The following RCBTB1 variants were observed in gnomAD, a reference collection of about 807,000 sequenced individuals.
The protein encoded by RCBTB1 is RCC1 and BTB domain containing protein 1, also known as RCC1 and BTB domain-containing protein 1.
In RCBTB1, 46 loss-of-function variants were observed where a neutral mutation model predicts 62.4. That is an observed-to-expected ratio of 0.74 (90% confidence interval 0.58 to 0.94). The LOEUF (loss-of-function observed/expected upper bound fraction) is 0.94. Ranked by LOEUF, RCBTB1 falls within the 40% of genes least tolerant of loss-of-function variation. The pLI, the probability that RCBTB1 is intolerant of heterozygous loss-of-function variation, is 0.00. For missense variants in RCBTB1, 565 were observed against 654.9 expected, an observed-to-expected ratio of 0.86 and a Z score of 1.50; for synonymous variants, 222 against 245.8, an observed-to-expected ratio of 0.90 and a Z score of 0.91.
chr13:49,549,230 T>C (rs1009997090), intron 9 of RCBTB1, among the ~76,000 whole-genome samples: 3 of 151,666 alleles, frequency 2.0e-5, no homozygotes, highest in African/African-American at 7.3e-5. Flanking sequence ...TTATGCGAAT[T>C]TGATATCAAT....
Position 49,532,446 on chromosome 13 carries a change from T to C in RCBTB1, c.*1676A>G, listed in dbSNP as rs537950147. 1.3e-5 allele frequency: 2 copies of C among 152,712 alleles called. No individual in the cohort carries two copies. The highest frequency in any genetic ancestry group is 4.8e-5 in the African/African-American group (2 of 41,568). 9.5% of individuals were successfully genotyped at this position (152,712 alleles called of 1,614,324 possible). Reference sequence around the variant, plus strand: ...ACATTTTGCTCAGATCATAAGCCTATAGAACAGTGATTGTTACAAACACCA... The same window carrying C: ...ACATTTTGCTCAGATCATAAGCCTACAGAACAGTGATTGTTACAAACACCA... On this transcript the variant is annotated 3_prime_UTR_variant, in exon 13 of 13. Coordinates refer to ENST00000378302, the MANE Select transcript of RCBTB1 (RefSeq NM_018191.4).
intron 5 of RCBTB1, among the ~76,000 whole-genome samples, chr13:49,557,141 C>A (rs962780595): frequency 1.2e-4 from 19 of 152,198 alleles, no homozygotes; most frequent in African/African-American, 3.6e-4. Context: ...TTAATAAAAT[C>A]TCTGTAACAT....
At chr13:49,576,103 C>T (rs1374826671) in intron 2 of RCBTB1, among the ~76,000 whole-genome samples, 3 of 134,494 alleles carry the variant, frequency 2.2e-5, no homozygotes, top group African/African-American at 8.5e-5. Context: ...AGGAGAATGG[C>T]ATGAACCTGG....
chr13:49,542,858 C>A (rs1960495152), intron 10 of RCBTB1, among the ~76,000 whole-genome samples: 1 of 152,190 alleles, frequency 6.6e-6, no homozygotes, highest in Non-Finnish European at 1.5e-5. Context: ...AAGCCACCTG[C>A]ACAAGAAACT....
At chr13:49,565,938 G>A (rs986828377) in intron 4 of RCBTB1, among the ~76,000 whole-genome samples, 4 of 151,214 alleles carry the variant, frequency 2.6e-5, no homozygotes, top group Non-Finnish European at 5.9e-5. Context: ...TTCTGCCTTG[G>A]GATGCTGTTG....
At chr13:49,585,136 G>A (rs1218358895) in intron 1 of RCBTB1, among the ~76,000 whole-genome samples, 2 of 152,178 alleles carry the variant, frequency 1.3e-5, no homozygotes, top group Non-Finnish European at 2.9e-5. Flanking sequence ...CTTCAGCTAC[G>A]AGCAAAATCG....
rs147327509 is a variant in RCBTB1, at chr13:49,549,612, C to T, written c.891G>A (p.Thr297=). The T allele has an allele frequency of 8.2e-5, 132 of 1,613,490 alleles. No homozygotes were observed. The highest frequency in any genetic ancestry group is 6.5e-4 in the South Asian group (59 of 91,012). ...GCCCACCCTGCGTCTTGGCTGCAGA[C>T]GTGTGGGCAGAGTGACAGGCTGCAA... ...VEIAACHSAH[T]SAAKTQGGHV... The change falls in exon 9 of 13, where the codon ACG becomes ACA. Residue 297 remains threonine, a synonymous_variant. Coordinates refer to ENST00000378302, the MANE Select transcript of RCBTB1 (RefSeq NM_018191.4).
intron 12 of RCBTB1, among the ~76,000 whole-genome samples, chr13:49,538,955 TC>T (rs1476412590): frequency 3.3e-5 from 5 of 151,030 alleles, no homozygotes; most frequent in Non-Finnish European, 1.5e-5. Context: ...GTACAACTTC[TC>T]CCTCCCAGAT....
chr13:49,568,098 C>T (rs1963147552), intron 2 of RCBTB1, among the ~76,000 whole-genome samples: 1 of 152,200 alleles, frequency 6.6e-6, no homozygotes, highest in Non-Finnish European at 1.5e-5. Context: ...GGAAACAGTG[C>T]TCATGGAAGC....
intron 2 of RCBTB1, among the ~76,000 whole-genome samples, chr13:49,572,645 A>G (rs901305024): frequency 7.9e-5 from 12 of 152,056 alleles, no homozygotes; most frequent in Non-Finnish European, 1.5e-4. Context: ...TCCACTAAAA[A>G]TACAAAAATT....
At chr13:49,549,356 A>T in intron 9 of RCBTB1, 102 bp downstream of exon 9, 1 of 1,137,232 alleles carries the variant, frequency 8.8e-7, no homozygotes. Context: ...CTAATAGAGA[A>T]TAAAACATTC....
At chr13:49,555,403 T>C in intron 6 of RCBTB1, 112 bp downstream of exon 6, 2 of 912,962 alleles carry the variant, frequency 2.2e-6, no homozygotes, top group African/African-American at 1.6e-5. Flanking sequence ...TCAATGGAGC[T>C]ACCAAAACAA....
At position 49,551,191 on chromosome 13, in the gene RCBTB1, AAG is replaced by A. The variant is rs1238301391; in HGVS notation, c.854+133_854+134del. On this transcript the variant is annotated intron_variant, in intron 8 of 12. Coordinates refer to ENST00000378302, the MANE Select transcript of RCBTB1 (RefSeq NM_018191.4). ...AGGAGGAAGGGGGAAGGGAGAAGGG[AAG>A]GTTATCTCTTTTGTCCAAAATGAGA... 3.1e-6 allele frequency: 3 copies of A among 956,470 alleles called. No individual in the cohort carries two copies. The African/African-American group carries it at 5.0e-5, about 16-fold the overall frequency. 59.2% of individuals were successfully genotyped at this position (956,470 alleles called of 1,614,324 possible).
intron 2 of RCBTB1, among the ~76,000 whole-genome samples, chr13:49,570,444 A>G (rs1258673192): frequency 1.3e-5 from 2 of 152,232 alleles, no homozygotes; most frequent in Admixed American, 1.3e-4. Context: ...TACCCATCAT[A>G]AAAGAAAAAG....
At chr13:49,547,985 C>T (rs1002586327) in intron 9 of RCBTB1, among the ~76,000 whole-genome samples, 1 of 152,040 alleles carries the variant, frequency 6.6e-6, no homozygotes, top group African/African-American at 2.4e-5. Flanking sequence ...CGCCATGTTG[C>T]CCAGGCTGGT....
chr13:49,549,550 A>G lies in RCBTB1; in HGVS notation c.953T>C (p.Val318Ala). Residue 318 changes from valine to alanine, a missense_variant, in exon 9 of 13, where the codon GTG becomes GCG. Physicochemically the swap from Val to Ala is moderately conservative, Grantham distance 64 (BLOSUM62 0). Coordinates refer to ENST00000378302, the MANE Select transcript of RCBTB1 (RefSeq NM_018191.4). Reference sequence around the variant, plus strand: ...GAAGTGGGTGAGGTGCGGGAGGATCACGGACTGACCCCGGCACTGGCCCCA... The same window carrying G: ...GAAGTGGGTGAGGTGCGGGAGGATCGCGGACTGACCCCGGCACTGGCCCCA... ...YMWGQCRGQS[V>A]ILPHLTHFSC... The G allele has an allele frequency of 6.2e-7, 1 of 1,614,134 alleles. No homozygotes were observed.
chr13:49,548,166 C>A (rs56994102), intron 9 of RCBTB1, among the ~76,000 whole-genome samples: 1 of 151,732 alleles, frequency 6.6e-6, no homozygotes, highest in Non-Finnish European at 1.5e-5. Flanking sequence ...CTGAGGCGGG[C>A]GGATCACGAG....
chr13:49,535,723 C>G (rs1216373749), intron 12 of RCBTB1, among the ~76,000 whole-genome samples: 2 of 152,100 alleles, frequency 1.3e-5, no homozygotes, highest in African/African-American at 4.8e-5. Context: ...AGTCACATAA[C>G]CATTAAGAGA....
At chr13:49,568,968 A>T (rs1253985187) in intron 2 of RCBTB1, among the ~76,000 whole-genome samples, 1 of 152,196 alleles carries the variant, frequency 6.6e-6, no homozygotes, top group Non-Finnish European at 1.5e-5. Flanking sequence ...CAACAATAAC[A>T]ACTAACTTAC....
Sources: allele counts gnomAD v4.1 joint callset (sites outside exome capture counted in the v4.1 genomes callset), GRCh38; gene constraint gnomAD v4.1.1; transcripts MANE v1.5; gene names NCBI Gene and HGNC (gene_info 2026-07-23, HGNC 2026-07-21).